Variants in RASAL2 observed in about 807,000 individuals in gnomAD.
RASAL2 encodes the protein RAS protein activator like 2, also known as ras GTPase-activating protein nGAP.
RASAL2 carries 58 observed loss-of-function variants against 128.9 expected under a neutral mutation model. That is an observed-to-expected ratio of 0.45 (90% CI 0.36 to 0.56). The LOEUF (loss-of-function observed/expected upper bound fraction) is 0.56. Ranked by LOEUF, RASAL2 falls within the 20% of genes least tolerant of loss-of-function variation. The pLI, the probability that RASAL2 is intolerant of heterozygous loss-of-function variation, is 0.00. For missense variants in RASAL2, 1,360 were observed against 1,601.6 expected (o/e 0.85, Z 2.57); for synonymous variants, 561 against 580.8 (o/e 0.97, Z 0.49).
intron 2 of RASAL2, among the ~76,000 whole-genome samples, chr1:178,290,706 TGCTATGTCACCCAG>T (rs1293042696): frequency 1.3e-5 from 2 of 152,188 alleles, no homozygotes; most frequent in African/African-American, 4.8e-5. Flanking sequence ...GATGGAGTCT[TGCTATGTCACCCAG>T]GCTGAAGTGC....
At chr1:178,438,298 C>T (rs1007027605) in intron 5 of RASAL2, among the ~76,000 whole-genome samples, 3 of 151,998 alleles carry the variant, frequency 2.0e-5, no homozygotes, top group Admixed American at 2.0e-4. Context: ...AAAAGCTACT[C>T]TGGCATTAAA....
At chr1:178,212,012 T>C (rs1313749583) in intron 1 of RASAL2, among the ~76,000 whole-genome samples, 1 of 147,916 alleles carries the variant, frequency 6.8e-6, no homozygotes, top group African/African-American at 2.7e-5. Flanking sequence ...TTGAGCAGTA[T>C]TTTTTTATTC....
intron 1 of RASAL2, among the ~76,000 whole-genome samples, chr1:178,259,778 G>C (rs984676629): frequency 6.6e-6 from 1 of 152,014 alleles, no homozygotes. Flanking sequence ...TGTCCATGCT[G>C]GTCTTGAAAT....
At chr1:178,307,970 A>G (rs1373825005) in intron 3 of RASAL2, among the ~76,000 whole-genome samples, 5 of 152,208 alleles carry the variant, frequency 3.3e-5, no homozygotes, top group African/African-American at 7.2e-5. Context: ...TCAAACAGAA[A>G]GTTCAGATTG....
At chr1:178,408,738 T>TG (rs1674159041) in intron 4 of RASAL2, among the ~76,000 whole-genome samples, 1 of 152,036 alleles carries the variant, frequency 6.6e-6, no homozygotes, top group Non-Finnish European at 1.5e-5. Flanking sequence ...ATAATACATA[T>TG]GGGGAAAATA....
At chr1:178,196,629 A>G (rs1040072920) in intron 1 of RASAL2, among the ~76,000 whole-genome samples, 51 of 152,236 alleles carry the variant, frequency 3.4e-4, no homozygotes, top group African/African-American at 1.2e-3. Context: ...TTTAAAGTAT[A>G]CAAGAGGATG....
At chr1:178,118,332 T>A (rs1434250298) in intron 1 of RASAL2, among the ~76,000 whole-genome samples, 1 of 152,116 alleles carries the variant, frequency 6.6e-6, no homozygotes, top group Non-Finnish European at 1.5e-5. Flanking sequence ...ATACTTTATT[T>A]CTATTATTAT....
intron 1 of RASAL2, among the ~76,000 whole-genome samples, chr1:178,200,871 G>A (rs1393145123): frequency 6.6e-6 from 1 of 152,124 alleles, no homozygotes; most frequent in Non-Finnish European, 1.5e-5. Flanking sequence ...CCCAACCCAT[G>A]CTGCCATCAT....
chr1:178,137,374 C>A (rs967717461), intron 1 of RASAL2, among the ~76,000 whole-genome samples: 1 of 152,188 alleles, frequency 6.6e-6, no homozygotes, highest in Non-Finnish European at 1.5e-5. Context: ...CCTCTGTCCT[C>A]TTTCTCCCAA....
intron 1 of RASAL2, among the ~76,000 whole-genome samples, chr1:178,137,736 G>A (rs967750188): frequency 1.3e-4 from 20 of 152,126 alleles, no homozygotes; most frequent in African/African-American, 4.3e-4. Context: ...GCTTACTGAC[G>A]CTTTCAAATG....
intron 1 of RASAL2, among the ~76,000 whole-genome samples, chr1:178,280,984 C>T (rs1557874387): frequency 1.3e-5 from 2 of 151,916 alleles, no homozygotes; most frequent in Non-Finnish European, 2.9e-5. Flanking sequence ...TCATTTAGCC[C>T]TGGAAATGAG....
intron 1 of RASAL2, among the ~76,000 whole-genome samples, chr1:178,260,300 C>T (rs554256126): frequency 8.0e-4 from 108 of 135,440 alleles, no homozygotes; most frequent in South Asian, 1.5e-3. Context: ...TGCAGTGAGC[C>T]GAGATCACGC....
rs181863277 is a variant in RASAL2, at chr1:178,405,701, G to A, written c.565-14810G>A. ...TTGATTTTAGCCAGATGAGACCTGT[G>A]TTGGACTTCTGATCGATAGAACTGT... On this transcript the variant is annotated intron_variant, in intron 4 of 17. Coordinates refer to ENST00000367649, the MANE Select transcript of RASAL2 (RefSeq NM_170692.4). Among the ~76,000 whole-genome samples, 48 of 152,336 alleles carry A rather than the reference G, an allele frequency of 3.2e-4. No individual in the cohort carries two copies. The East Asian group carries it at 8.1e-3, about 26-fold the overall frequency.
At chr1:178,323,848 GGTT>G (rs1167726041) in intron 3 of RASAL2, among the ~76,000 whole-genome samples, 3 of 152,110 alleles carry the variant, frequency 2.0e-5, no homozygotes, top group Non-Finnish European at 4.4e-5. Flanking sequence ...ACATGTATTA[GGTT>G]GTTAAGAGAT....
chr1:178,094,224 C>T lies in RASAL2; in HGVS notation c.-269C>T. ...TCCTCTCCCGGGAGGGACCCACACA[C>T]ACCTGAGCCCGGACCCACCCTTGGT... On this transcript the variant is annotated 5_prime_UTR_variant, in exon 1 of 18. Transcript: ENST00000367649. 4.0e-6 allele frequency: 2 copies of T among 498,402 alleles called. No individual in the cohort carries two copies. The highest frequency in any genetic ancestry group is 7.0e-6 in the Non-Finnish European group (2 of 284,904). The allele number at this position is 498,402 out of a possible 1,614,324, so 30.9% of individuals were successfully genotyped here.
At chr1:178,237,754 T>C (rs1664317758) in intron 1 of RASAL2, among the ~76,000 whole-genome samples, 1 of 152,152 alleles carries the variant, frequency 6.6e-6, no homozygotes, top group South Asian at 2.1e-4. Flanking sequence ...ACTTTAACCA[T>C]TTTTAGGTGT....
rs535095835 is a variant in RASAL2 at position 178,401,794 on chromosome 1, C to T, written c.564+11588C>T. Among the ~76,000 whole-genome samples, 56 of 152,266 alleles carry T rather than the reference C, an allele frequency of 3.7e-4. No homozygotes were observed. In the South Asian group the frequency reaches 0.011, roughly 30 times the overall value. On this transcript the variant is annotated intron_variant, in intron 4 of 17. Coordinates refer to ENST00000367649, the MANE Select transcript of RASAL2 (RefSeq NM_170692.4). ...TTATGCAGTCAGTGAGACTGTTACTCGGAAACTTTTTCATTAAAATAAGGT... is the reference window on the plus strand; with the variant it reads ...TTATGCAGTCAGTGAGACTGTTACTTGGAAACTTTTTCATTAAAATAAGGT...
intron 1 of RASAL2, among the ~76,000 whole-genome samples, chr1:178,095,836 C>G (rs1208242081): frequency 6.6e-6 from 1 of 152,134 alleles, no homozygotes; most frequent in East Asian, 1.9e-4. Flanking sequence ...GGATTTGGGG[C>G]AGATCGAGTC....
chr1:178,346,017 G>T (rs1440312207), intron 3 of RASAL2, among the ~76,000 whole-genome samples: 1 of 152,132 alleles, frequency 6.6e-6, no homozygotes, highest in Non-Finnish European at 1.5e-5. Context: ...TGTGGTAGAG[G>T]AATTGCATCA....
Sources: gnomAD v4.1 joint callset for allele counts (sites outside exome capture counted in the v4.1 genomes callset) on GRCh38, gnomAD v4.1.1 for gene constraint, MANE v1.5 for transcripts, NCBI Gene and HGNC (gene_info 2026-07-23, HGNC 2026-07-21) for gene names.